The following ZNF618 variants were observed in gnomAD, a reference collection of about 807,000 sequenced individuals.
ZNF618 encodes the protein zinc finger protein 618.
In ZNF618, 34 loss-of-function variants were observed where a neutral mutation model predicts 103.0. The observed-to-expected ratio is 0.33, with a 90% CI of 0.25 to 0.44. The LOEUF (loss-of-function observed/expected upper bound fraction) is 0.44. ZNF618 is among the 20% of genes least tolerant of loss of function. The pLI is 1.00. For synonymous variants in ZNF618, 551 were observed against 542.2 expected (o/e 1.02, Z -0.23); for missense variants, 1,059 against 1,295.4 (o/e 0.82, Z 2.80).
At chr9:114,009,903 T>TA (rs1422235333) in intron 9 of ZNF618, among the ~76,000 whole-genome samples, 1 of 152,184 alleles carries the variant, frequency 6.6e-6, no homozygotes, top group East Asian at 1.9e-4. Flanking sequence ...TCTTAACTCT[T>TA]CTGAAAGCAT....
intron 5 of ZNF618, 47 bp from the exon 6 acceptor site, chr9:114,002,577 A>G: frequency 6.3e-7 from 1 of 1,596,858 alleles, no homozygotes; most frequent in African/African-American, 1.3e-5. Context: ...TGGCCCTGTC[A>G]TTGGCCCGGT....
rs1298489026 is a variant in ZNF618 at position 113,901,302 on chromosome 9, C to A, written c.33+24889C>A. On this transcript the variant is annotated intron_variant, in intron 1 of 14. Coordinates refer to ENST00000374126, the MANE Select transcript of ZNF618 (RefSeq NM_001318042.2). ...CGTCGTTGGGCCTCAGCGTCTCCAA[C>A]ATTTAAAACGGGCATCTCCTTGCCC... 4.6e-5 allele frequency among the ~76,000 whole-genome samples: 7 copies of A among 152,340 alleles called. No individual in the cohort carries two copies. The East Asian group carries it at 1.4e-3, about 29-fold the overall frequency.
chr9:113,966,165 C>CA (rs1837389254), intron 1 of ZNF618, among the ~76,000 whole-genome samples: 1 of 152,068 alleles, frequency 6.6e-6, no homozygotes, highest in Non-Finnish European at 1.5e-5. Flanking sequence ...CTTTTACATG[C>CA]TATTACATGT....
At chr9:113,969,263 G>A (rs1237347664) in intron 2 of ZNF618, 103 bp downstream of exon 2, 1 of 1,435,592 alleles carries the variant, frequency 7.0e-7, no homozygotes, top group African/African-American at 1.4e-5. Context: ...GGAAGGATGG[G>A]TGGTCCAGGC....
chr9:114,037,491 C>T (rs142521157), intron 13 of ZNF618, among the ~76,000 whole-genome samples: 1 of 152,280 alleles, frequency 6.6e-6, no homozygotes, highest in Non-Finnish European at 1.5e-5. Flanking sequence ...CAAAGGGAAA[C>T]GTGAGTCTGG....
At chr9:113,997,203 G>C (rs1264227716) in intron 3 of ZNF618, among the ~76,000 whole-genome samples, 5 of 151,814 alleles carry the variant, frequency 3.3e-5, no homozygotes, top group African/African-American at 1.2e-4. Flanking sequence ...GACCTCCAGG[G>C]CTCAAGTGTT....
intron 1 of ZNF618, among the ~76,000 whole-genome samples, chr9:113,933,922 G>A (rs1833822885): frequency 6.6e-6 from 1 of 152,058 alleles, no homozygotes; most frequent in African/African-American, 2.4e-5. Context: ...GAAGGGTCTG[G>A]GAGTCAGGAG....
In ZNF618 at chr9:114,049,170, C is replaced by T. The variant is rs770522574; in HGVS notation, c.1868C>T (p.Thr623Met). The T allele has an allele frequency of 8.7e-6, 14 of 1,613,700 alleles. No individual in the cohort carries two copies. Among genetic ancestry groups the T allele is most frequent in the Admixed American group, 1.7e-5 (1 of 60,010 alleles). Reference sequence around the variant, plus strand: ...TACGTGACGGATTGCCGGGTGAGCACGTCCGCCTTCTCCAAGGCCGGCATG... The same window carrying T: ...TACGTGACGGATTGCCGGGTGAGCATGTCCGCCTTCTCCAAGGCCGGCATG... ...TVYVTDCRVS[T>M]SAFSKAGMCL... Residue 623 changes from threonine to methionine, a missense_variant, in exon 15 of 15, where the codon ACG becomes ATG. By Grantham distance (81) the Thr-to-Met change is moderately conservative (BLOSUM62 -1). Around this residue, in one of 6 missense-constraint regions of ZNF618, gnomAD observed 272 missense variants for 380.1 expected, o/e 0.72. Coordinates refer to ENST00000374126, the MANE Select transcript of ZNF618 (RefSeq NM_001318042.2).
chr9:114,001,576 C>T (rs1841210355), intron 4 of ZNF618, among the ~76,000 whole-genome samples: 1 of 152,256 alleles, frequency 6.6e-6, no homozygotes, highest in Non-Finnish European at 1.5e-5. Flanking sequence ...GTCTTAATCT[C>T]TGTCCCATTC....
At chr9:113,887,794 G>C (rs1829218656) in intron 1 of ZNF618, among the ~76,000 whole-genome samples, 1 of 152,184 alleles carries the variant, frequency 6.6e-6, no homozygotes, top group Non-Finnish European at 1.5e-5. Context: ...TTCATGTTTT[G>C]AAAGGAAGTT....
At chr9:113,922,878 T>G (rs996781597) in intron 1 of ZNF618, among the ~76,000 whole-genome samples, 3 of 152,182 alleles carry the variant, frequency 2.0e-5, no homozygotes, top group African/African-American at 7.2e-5. Context: ...ATCAAATCTT[T>G]AGATAAAGTT....
rs1843720686 is a variant in ZNF618, at chr9:114,028,608, C to G, written c.845-125C>G. On this transcript the variant is annotated intron_variant, in intron 10 of 14. Transcript: ENST00000374126. ...TGAGTTAAGTGAGAATCCTTGTTCTCTGTGGCACAAGAAGAGGTTGGACAG... is the reference window on the plus strand; with the variant it reads ...TGAGTTAAGTGAGAATCCTTGTTCTGTGTGGCACAAGAAGAGGTTGGACAG... The G allele has an allele frequency of 1.1e-5, 14 of 1,312,504 alleles. No homozygotes were observed. The South Asian group carries it at 1.7e-4, about 16-fold the overall frequency. 81.3% of individuals were successfully genotyped at this position (1,312,504 alleles called of 1,614,324 possible). A position where few individuals can be genotyped will look rare whatever the true frequency, so the allele number is the denominator to read the frequency against.
At chr9:113,978,488 A>G (rs1168861008) in intron 2 of ZNF618, among the ~76,000 whole-genome samples, 1 of 152,244 alleles carries the variant, frequency 6.6e-6, no homozygotes, top group African/African-American at 2.4e-5. Context: ...GGGACCCTTC[A>G]TTCCTTTCCT....
chr9:113,922,834 A>G (rs1832768168), intron 1 of ZNF618, among the ~76,000 whole-genome samples: 1 of 152,186 alleles, frequency 6.6e-6, no homozygotes, highest in African/African-American at 2.4e-5. Context: ...GTTGATATGC[A>G]CAGAACAACT....
chr9:114,043,756 G>C (rs1472295648), intron 13 of ZNF618, among the ~76,000 whole-genome samples: 1 of 152,126 alleles, frequency 6.6e-6, no homozygotes, highest in Non-Finnish European at 1.5e-5. Context: ...CAGGAGTAAG[G>C]TGGTATGGCA....
At chr9:113,881,793 G>A (rs1284182120) in intron 1 of ZNF618, among the ~76,000 whole-genome samples, 1 of 152,198 alleles carries the variant, frequency 6.6e-6, no homozygotes, top group Admixed American at 6.5e-5. Context: ...GTGATGATGA[G>A]TTCCATCCAT....
intron 1 of ZNF618, among the ~76,000 whole-genome samples, chr9:113,937,862 AC>A: frequency 7.5e-6 from 1 of 133,590 alleles, no homozygotes; most frequent in East Asian, 2.3e-4. Context: ...GATCAGTTTT[AC>A]CTAATTATGT....
chr9:114,026,323 A>G (rs1250607747), intron 10 of ZNF618, among the ~76,000 whole-genome samples: 2 of 152,204 alleles, frequency 1.3e-5, no homozygotes, highest in Admixed American at 6.5e-5. Flanking sequence ...CACACAGGTG[A>G]TGCCCTCAGG....
intron 1 of ZNF618, among the ~76,000 whole-genome samples, chr9:113,877,589 CAG>C (rs1828076766): frequency 1.3e-5 from 2 of 151,346 alleles, no homozygotes; most frequent in Non-Finnish European, 2.9e-5. Context: ...CTAAAGAAAA[CAG>C]AAACTAGAAA....
Sources: allele counts gnomAD v4.1 joint callset (sites outside exome capture counted in the v4.1 genomes callset), GRCh38; gene constraint gnomAD v4.1.1; regional missense constraint gnomAD v4.1.1; transcripts MANE v1.5; gene names NCBI Gene and HGNC (gene_info 2026-07-23, HGNC 2026-07-21).